The following ASIC2 variants were observed in gnomAD, a reference collection of about 807,000 sequenced individuals.
ASIC2 encodes the protein acid-sensing ion channel 2.
ASIC2 carries 25 observed loss-of-function variants against 57.3 expected under a neutral mutation model. That is an observed-to-expected ratio of 0.44 (90% CI 0.32 to 0.61). The LOEUF (loss-of-function observed/expected upper bound fraction) is 0.61. Ranked by LOEUF, ASIC2 falls within the 20% of genes least tolerant of loss-of-function variation. ASIC2 has a pLI of 0.06. For missense variants in ASIC2, 641 were observed against 738.1 expected (o/e 0.87, Z 1.52); for synonymous variants, 319 against 307.5 (o/e 1.04, Z -0.39).
intron 1 of ASIC2, among the ~76,000 whole-genome samples, chr17:34,016,279 C>T (rs1906950667): frequency 6.6e-6 from 1 of 151,978 alleles, no homozygotes; most frequent in African/African-American, 2.4e-5. Flanking sequence ...AAAAAATTGG[C>T]CAGGCGCGGT....
At chr17:33,298,506 C>A (rs929382799) in intron 1 of ASIC2, among the ~76,000 whole-genome samples, 2 of 152,158 alleles carry the variant, frequency 1.3e-5, no homozygotes, top group African/African-American at 4.8e-5. Context: ...ATTAATGGAC[C>A]TTTGGGTTGG....
chr17:33,435,411 C>A (rs950103787), intron 1 of ASIC2, among the ~76,000 whole-genome samples: 1 of 152,126 alleles, frequency 6.6e-6, no homozygotes, highest in African/African-American at 2.4e-5. Flanking sequence ...AAAAAGCATC[C>A]ACTAGCCAAA....
At chr17:33,815,783 G>C (rs1912560261) in intron 1 of ASIC2, among the ~76,000 whole-genome samples, 2 of 152,190 alleles carry the variant, frequency 1.3e-5, no homozygotes, top group African/African-American at 4.8e-5. Flanking sequence ...AGCTGGAAGT[G>C]TTCCTAGAAT....
At chr17:33,655,432 T>C (rs1362430022) in intron 1 of ASIC2, among the ~76,000 whole-genome samples, 2 of 152,234 alleles carry the variant, frequency 1.3e-5, no homozygotes, top group African/African-American at 4.8e-5. Flanking sequence ...TGTTGAAGAA[T>C]GGTCTGCCCA....
chr17:33,430,899 T>C (rs1044520956), intron 1 of ASIC2, among the ~76,000 whole-genome samples: 2 of 152,130 alleles, frequency 1.3e-5, no homozygotes, highest in African/African-American at 4.8e-5. Context: ...TCCATGCACA[T>C]TGGGTAATGA....
At chr17:33,824,068 A>G (rs1241621141) in intron 1 of ASIC2, among the ~76,000 whole-genome samples, 3 of 152,222 alleles carry the variant, frequency 2.0e-5, no homozygotes, top group Non-Finnish European at 1.5e-5. Flanking sequence ...CAGAGAAAAC[A>G]TGGAGATTAT....
chr17:33,103,897 G>T (rs1469072619), intron 2 of ASIC2, among the ~76,000 whole-genome samples: 1 of 152,152 alleles, frequency 6.6e-6, no homozygotes, highest in East Asian at 1.9e-4. Flanking sequence ...AGGATGTGTG[G>T]GGGGCCTAAT....
intron 3 of ASIC2, among the ~76,000 whole-genome samples, chr17:33,077,102 C>CT (rs373310881): frequency 6.6e-6 from 1 of 152,170 alleles, no homozygotes; most frequent in African/African-American, 2.4e-5. Context: ...TGGGTGGCTT[C>CT]TTTGCTGAGA....
chr17:33,036,413 CT>C (rs1416843795), intron 3 of ASIC2, among the ~76,000 whole-genome samples: 2 of 152,046 alleles, frequency 1.3e-5, no homozygotes, highest in Non-Finnish European at 2.9e-5. Context: ...CCATGGAGCA[CT>C]TTTCAGACAT....
At chr17:33,652,724 C>G (rs1032764218) in intron 1 of ASIC2, among the ~76,000 whole-genome samples, 1 of 152,208 alleles carries the variant, frequency 6.6e-6, no homozygotes, top group Non-Finnish European at 1.5e-5. Context: ...GGGAGGAGAC[C>G]GTTCTTCCTG....
chr17:33,161,610 C>A (rs1419815940), intron 1 of ASIC2, among the ~76,000 whole-genome samples: 3 of 152,150 alleles, frequency 2.0e-5, no homozygotes, highest in Non-Finnish European at 2.9e-5. Flanking sequence ...AATGTAAGCT[C>A]TTTGAGGGCT....
chr17:33,052,915 A>T (rs2091983066), intron 3 of ASIC2: 2 of 152,140 alleles, frequency 1.3e-5, no homozygotes, highest in African/African-American at 4.8e-5. Context: ...CCCCTGACTG[A>T]GTAGATGTGC....
intron 1 of ASIC2, among the ~76,000 whole-genome samples, chr17:33,325,177 T>C (rs1036698588): frequency 6.6e-6 from 1 of 152,308 alleles, no homozygotes; most frequent in Non-Finnish European, 1.5e-5. Context: ...GTGGAGCTCA[T>C]AGTCCAGTGA....
chr17:33,179,172 C>T (rs1905879433), intron 1 of ASIC2, among the ~76,000 whole-genome samples: 2 of 152,128 alleles, frequency 1.3e-5, no homozygotes, highest in South Asian at 4.2e-4. Flanking sequence ...CTATGTAGCC[C>T]ACCTGGAAGA....
intron 1 of ASIC2, among the ~76,000 whole-genome samples, chr17:33,658,547 A>G (rs559293974): frequency 3.1e-4 from 47 of 152,304 alleles, no homozygotes; most frequent in African/African-American, 1.1e-3. Context: ...GGAAAGTCCA[A>G]GACCAGGGCA....
At chr17:33,727,750 C>A (rs998922895) in intron 1 of ASIC2, among the ~76,000 whole-genome samples, 2 of 152,154 alleles carry the variant, frequency 1.3e-5, no homozygotes, top group East Asian at 1.9e-4. Flanking sequence ...AAATAAACTT[C>A]TTTTCTTCAT....
At chr17:33,059,368 C>T (rs2092011642) in intron 3 of ASIC2, among the ~76,000 whole-genome samples, 1 of 152,050 alleles carries the variant, frequency 6.6e-6, no homozygotes. Flanking sequence ...TCCAAGTGTT[C>T]TCATTATTCA....
intron 1 of ASIC2, among the ~76,000 whole-genome samples, chr17:33,526,976 T>C (rs551386276): frequency 6.6e-6 from 1 of 152,228 alleles, no homozygotes; most frequent in Non-Finnish European, 1.5e-5. Context: ...AGATTATCTC[T>C]ATTTTCCAGC....
At chr17:33,612,602 TAC>T (rs1905446655) in intron 1 of ASIC2, among the ~76,000 whole-genome samples, 1 of 152,222 alleles carries the variant, frequency 6.6e-6, no homozygotes, top group African/African-American at 2.4e-5. Flanking sequence ...ATTGGTCACA[TAC>T]TAGTGCTAGC....
Sources: gnomAD v4.1 joint callset for allele counts (sites outside exome capture counted in the v4.1 genomes callset) on GRCh38, gnomAD v4.1.1 for gene constraint, MANE v1.5 for transcripts, NCBI Gene and HGNC (gene_info 2026-07-23, HGNC 2026-07-21) for gene names.